Variants in EPM2A observed in about 807,000 individuals in gnomAD.
EPM2A encodes laforin.
A neutral mutation model predicts 26.5 loss-of-function variants in EPM2A; 21 were observed. The ratio of observed to expected loss-of-function variants is 0.79; its 90% confidence interval spans 0.56 to 1.14. EPM2A has a LOEUF of 1.14. Among genes scored for constraint, EPM2A ranks in the 50% most tolerant of loss-of-function variants. EPM2A has a pLI of 0.00. For missense variants in EPM2A, 458 were observed against 440.8 expected (o/e 1.04, Z -0.35); for synonymous variants, 217 against 177.6 (o/e 1.22, Z -1.76).
intron 2 of EPM2A, among the ~76,000 whole-genome samples, chr6:145,541,662 G>A (rs1228845168): frequency 6.6e-6 from 1 of 152,030 alleles, no homozygotes; most frequent in East Asian, 1.9e-4. Flanking sequence ...CTAAAGAGAT[G>A]TTTTTAATGA....
At chr6:145,659,404 A>G (rs1778526230) in intron 2 of EPM2A, among the ~76,000 whole-genome samples, 2 of 152,212 alleles carry the variant, frequency 1.3e-5, no homozygotes, top group African/African-American at 4.8e-5. Flanking sequence ...GTACTTCAAC[A>G]GTATAATTAT....
At chr6:145,727,938 G>C (rs1011855968) in intron 1 of EPM2A, among the ~76,000 whole-genome samples, 3 of 152,186 alleles carry the variant, frequency 2.0e-5, no homozygotes, top group African/African-American at 7.2e-5. Flanking sequence ...CACGGGGGCA[G>C]ACTTCCTCCT....
At chr6:145,731,735 A>G (rs989406484) in intron 1 of EPM2A, among the ~76,000 whole-genome samples, 1 of 152,018 alleles carries the variant, frequency 6.6e-6, no homozygotes, top group African/African-American at 2.4e-5. Context: ...CTGCACATAT[A>G]TGTCATTTTT....
intron 2 of EPM2A, chr6:145,640,147 C>T (rs1315565620): frequency 6.6e-6 from 1 of 152,198 alleles, no homozygotes; most frequent in Non-Finnish European, 1.5e-5. Flanking sequence ...ATGAATCAGA[C>T]GCTCAACTGT....
Position 145,629,804 on chromosome 6 carries a change from C to T in EPM2A, c.719-2111G>A, listed in dbSNP as rs976858172. 15 of 152,248 alleles carry T rather than the reference C, an allele frequency of 9.9e-5. No individual in the cohort carries two copies. In the East Asian group the frequency reaches 1.2e-3, roughly 12 times the overall value. 9.4% of individuals were successfully genotyped at this position (152,248 alleles called of 1,614,324 possible). A position where few individuals can be genotyped will look rare whatever the true frequency, so the allele number is the denominator to read the frequency against. On this transcript the variant is annotated intron_variant, in intron 3 of 3. Coordinates refer to ENST00000367519, the MANE Select transcript of EPM2A (RefSeq NM_005670.4). ...CAGGAAACAAAAAAGAATCATTTAA[C>T]GTAGGTTCAGGCTTGCCTCAGATGC...
chr6:145,451,531 G>C (rs1779195169), intron 4 of EPM2A, among the ~76,000 whole-genome samples: 1 of 152,178 alleles, frequency 6.6e-6, no homozygotes, highest in African/African-American at 2.4e-5. Context: ...AGGTATATGT[G>C]TAGTCAGATT....
At chr6:145,411,448 A>C (rs890227196) in intron 4 of EPM2A, among the ~76,000 whole-genome samples, 2 of 152,192 alleles carry the variant, frequency 1.3e-5, no homozygotes, top group African/African-American at 4.8e-5. Flanking sequence ...CACTTGAAAC[A>C]GTTCAAATGC....
intron 1 of EPM2A, chr6:145,705,920 C>T (rs961372942): frequency 1.1e-5 from 5 of 456,678 alleles, no homozygotes; most frequent in Non-Finnish European, 2.2e-5. Flanking sequence ...AAAGATGGTG[C>T]TGGGTAACAT....
intron 2 of EPM2A, among the ~76,000 whole-genome samples, chr6:145,617,323 G>C (rs1052357524): frequency 6.6e-6 from 1 of 152,128 alleles, no homozygotes; most frequent in African/African-American, 2.4e-5. Flanking sequence ...CAGCCACATG[G>C]AACTGTAAGT....
At chr6:145,718,198 A>T (rs1164579031) in intron 1 of EPM2A, among the ~76,000 whole-genome samples, 1 of 151,930 alleles carries the variant, frequency 6.6e-6, no homozygotes, top group African/African-American at 2.4e-5. Context: ...TGGAGGCATC[A>T]CACTACCTGA....
At chr6:145,717,407 A>G (rs1775692818) in intron 1 of EPM2A, among the ~76,000 whole-genome samples, 1 of 152,172 alleles carries the variant, frequency 6.6e-6, no homozygotes. Context: ...GCCTTTGACA[A>G]AATTCAACAA....
chr6:145,600,641 C>A (rs1781405346), intron 2 of EPM2A, among the ~76,000 whole-genome samples: 2 of 152,192 alleles, frequency 1.3e-5, no homozygotes, highest in African/African-American at 4.8e-5. Flanking sequence ...TTTTCCCTCA[C>A]CAGTTGCCTT....
chr6:145,421,994 C>T lies in EPM2A; in HGVS notation c.556-37897G>A, dbSNP rs191890914. Among the ~76,000 whole-genome samples the T allele has an allele frequency of 1.4e-3, 199 of 146,540 alleles. 1 individual carries two copies. The highest frequency in any genetic ancestry group is 4.6e-3 in the African/African-American group (184 of 40,280). ...TGGATTTGTAAAGATTTTTTAAATC[C>T]ACAGAAGTATAGATTTTAAATCACC... is the stretch of plus-strand genomic sequence containing the variant. On this transcript the variant is annotated intron_variant, in intron 4 of 4. Coordinates refer to the EPM2A transcript ENST00000638717.
intron 2 of EPM2A, among the ~76,000 whole-genome samples, chr6:145,554,612 A>T (rs944631354): frequency 1.3e-4 from 20 of 152,106 alleles, no homozygotes; most frequent in African/African-American, 4.8e-4. Flanking sequence ...AGGAGGTCCA[A>T]TACAAAGCAG....
chr6:145,731,755 T>C (rs535638236), intron 1 of EPM2A, among the ~76,000 whole-genome samples: 16 of 151,858 alleles, frequency 1.1e-4, no homozygotes, highest in African/African-American at 1.4e-4. Flanking sequence ...TTAGAAGAAA[T>C]TTTTTTAATG....
At chr6:145,555,609 C>G (rs182157347) in intron 2 of EPM2A, among the ~76,000 whole-genome samples, 75 of 152,214 alleles carry the variant, frequency 4.9e-4, no homozygotes, top group African/African-American at 1.6e-3. Context: ...CAAACAAAAT[C>G]TCTAAAATTC....
At chr6:145,493,750 G>A (rs1220202058) in intron 4 of EPM2A, among the ~76,000 whole-genome samples, 1 of 152,100 alleles carries the variant, frequency 6.6e-6, no homozygotes, top group African/African-American at 2.4e-5. Context: ...AGATAATCAC[G>A]TGCTTTTTGT....
chr6:145,419,632 C>T (rs556116228), intron 4 of EPM2A, among the ~76,000 whole-genome samples: 1 of 152,238 alleles, frequency 6.6e-6, no homozygotes, highest in South Asian at 2.1e-4. Flanking sequence ...AAAGAAAAAA[C>T]TTGTCTATCT....
intron 2 of EPM2A, among the ~76,000 whole-genome samples, chr6:145,608,601 G>GA (rs36123126): frequency 2.9e-4 from 43 of 150,168 alleles, no homozygotes; most frequent in South Asian, 6.3e-4. Flanking sequence ...TGGTACTAAA[G>GA]AAAAAAAAAA....
Sources: allele counts gnomAD v4.1 joint callset (sites outside exome capture counted in the v4.1 genomes callset), GRCh38; gene constraint gnomAD v4.1.1; transcripts MANE v1.5; gene names NCBI Gene and HGNC (gene_info 2026-07-23, HGNC 2026-07-21).